The following ERBB4 variants were observed in gnomAD, a reference collection of about 807,000 sequenced individuals.
ERBB4 encodes the protein erb-b2 receptor tyrosine kinase 4.
ERBB4 carries 42 observed loss-of-function variants against 158.0 expected under a neutral mutation model. The observed-to-expected ratio is 0.27, with a 90% CI of 0.21 to 0.34. The LOEUF is 0.34. Among genes scored for constraint, ERBB4 ranks in the 10% least tolerant of loss-of-function variants. The pLI, the probability that ERBB4 is intolerant of heterozygous loss-of-function variation, is 1.00. For missense variants in ERBB4, 1,333 were observed against 1,624.1 expected, an observed-to-expected ratio of 0.82 and a Z score of 3.08; for synonymous variants, 583 against 558.7, an observed-to-expected ratio of 1.04 and a Z score of -0.61.
intron 2 of ERBB4, among the ~76,000 whole-genome samples, chr2:212,013,479 T>A (rs1322357764): frequency 6.6e-6 from 1 of 152,180 alleles, no homozygotes; most frequent in East Asian, 1.9e-4. Flanking sequence ...CACAGGAAAC[T>A]ATTAATGTGA....
At chr2:212,318,051 T>C (rs144091085) in intron 1 of ERBB4, among the ~76,000 whole-genome samples, 13 of 151,746 alleles carry the variant, frequency 8.6e-5, no homozygotes, top group African/African-American at 2.9e-4. Context: ...CAGATAGCCA[T>C]AGGCTAAGTG....
At chr2:211,598,774 C>T (rs2068711894) in intron 19 of ERBB4, among the ~76,000 whole-genome samples, 1 of 152,138 alleles carries the variant, frequency 6.6e-6, no homozygotes, top group Non-Finnish European at 1.5e-5. Context: ...GACATATATA[C>T]ATGTACACCA....
At chr2:211,633,482 A>AT (rs3068983) in intron 16 of ERBB4, among the ~76,000 whole-genome samples, 4,037 of 127,190 alleles carry the variant, frequency 0.032, 214 homozygotes, top group African/African-American at 0.11. Flanking sequence ...GTATTTTCTA[A>AT]TTTTTTTTTT....
At chr2:211,766,026 TC>T (rs2075542065) in intron 4 of ERBB4, among the ~76,000 whole-genome samples, 1 of 152,230 alleles carries the variant, frequency 6.6e-6, no homozygotes, top group Non-Finnish European at 1.5e-5. Context: ...TGATGACTTT[TC>T]CTTTGTGCAT....
At chr2:211,730,122 TAATC>T (rs991135732) in intron 5 of ERBB4, among the ~76,000 whole-genome samples, 1 of 151,984 alleles carries the variant, frequency 6.6e-6, no homozygotes, top group Non-Finnish European at 1.5e-5. Flanking sequence ...TTAAGTAGCT[TAATC>T]TTATCAGTAT....
intron 2 of ERBB4, among the ~76,000 whole-genome samples, chr2:211,971,548 T>C (rs1360767353): frequency 2.6e-5 from 4 of 152,160 alleles, no homozygotes; most frequent in Admixed American, 1.3e-4. Flanking sequence ...CCCTAACTCA[T>C]TCTATGAGAC....
At chr2:211,429,051 A>C (rs903060347) in intron 21 of ERBB4, among the ~76,000 whole-genome samples, 1 of 152,064 alleles carries the variant, frequency 6.6e-6, no homozygotes, top group African/African-American at 2.4e-5. Flanking sequence ...TAAACAATTA[A>C]AGGTAAAAAT....
At chr2:212,400,346 G>A (rs1449839933) in intron 1 of ERBB4, among the ~76,000 whole-genome samples, 1 of 152,114 alleles carries the variant, frequency 6.6e-6, no homozygotes, top group African/African-American at 2.4e-5. Flanking sequence ...AGCTGACCTG[G>A]GGAGACATTT....
intron 2 of ERBB4, among the ~76,000 whole-genome samples, chr2:212,074,835 T>G (rs538698819): frequency 4.6e-5 from 7 of 152,106 alleles, no homozygotes; most frequent in African/African-American, 1.7e-4. Context: ...AGTTTGGGAA[T>G]TCTTGTCCTA....
intron 3 of ERBB4, among the ~76,000 whole-genome samples, chr2:211,809,277 T>C (rs2076692659): frequency 6.6e-6 from 1 of 152,192 alleles, no homozygotes; most frequent in African/African-American, 2.4e-5. Context: ...CCAGCTCCTC[T>C]TTGTACCTCT....
intron 7 of ERBB4, among the ~76,000 whole-genome samples, chr2:211,717,547 C>T (rs564782555): frequency 2.0e-3 from 306 of 152,186 alleles, no homozygotes; most frequent in African/African-American, 6.9e-3. Flanking sequence ...CTACCCCTCT[C>T]GGCCTGGTGC....
intron 4 of ERBB4, among the ~76,000 whole-genome samples, chr2:211,773,894 T>A (rs1432995590): frequency 6.6e-6 from 1 of 151,766 alleles, no homozygotes; most frequent in Non-Finnish European, 1.5e-5. Context: ...CACAATAGGA[T>A]GTCCTGATCC....
At chr2:211,765,638 G>T (rs1457233197) in intron 4 of ERBB4, among the ~76,000 whole-genome samples, 1 of 152,048 alleles carries the variant, frequency 6.6e-6, no homozygotes, top group East Asian at 1.9e-4. Context: ...CAACTATAAG[G>T]ACCCTTAGAC....
At chr2:212,240,664 A>AAAAAAAAAAAAAAAC (rs1559823336) in intron 1 of ERBB4, among the ~76,000 whole-genome samples, 3 of 148,134 alleles carry the variant, frequency 2.0e-5, no homozygotes, top group African/African-American at 7.5e-5. Flanking sequence ...AAAAAAAAAA[A>AAAAAAAAAAAAAAAC]AAACAGAAAA....
At chr2:212,213,517 T>A (rs1403803119) in intron 1 of ERBB4, among the ~76,000 whole-genome samples, 2 of 151,888 alleles carry the variant, frequency 1.3e-5, no homozygotes, top group East Asian at 3.9e-4. Context: ...CTAAAAGATA[T>A]TGGAAGGAAT....
chr2:211,795,918 GTC>G lies in ERBB4; in HGVS notation c.422-7761_422-7760del, dbSNP rs1182995459. 2.6e-5 allele frequency among the ~76,000 whole-genome samples: 4 copies of G among 151,990 alleles called. No individual in the cohort carries two copies. In the East Asian group the frequency reaches 7.7e-4, roughly 29 times the overall value. ...TAATAGATATTGGTGACAACTAGCA[GTC>G]TCTGTTATAGTGACTCAAAAGAAAC... On this transcript the variant is annotated intron_variant, in intron 3 of 27. Transcript: ENST00000342788.
At chr2:211,441,996 A>T (rs1007338891) in intron 20 of ERBB4, among the ~76,000 whole-genome samples, 3 of 151,980 alleles carry the variant, frequency 2.0e-5, no homozygotes, top group African/African-American at 7.2e-5. Context: ...TCATTTCCTC[A>T]TTCTCCTTTA....
intron 4 of ERBB4, among the ~76,000 whole-genome samples, chr2:211,783,873 G>A (rs917284186): frequency 6.6e-6 from 1 of 152,132 alleles, no homozygotes. Context: ...TCAGGATGAT[G>A]CTGGCCTCAT....
In ERBB4 at chr2:211,776,024, A is replaced by C. The variant is rs2075866459; in HGVS notation, c.556+12001T>G. 2.6e-5 allele frequency among the ~76,000 whole-genome samples: 4 copies of C among 152,280 alleles called. No homozygotes were observed. The South Asian group carries it at 8.3e-4, about 32-fold the overall frequency. ...CTCTAGAGGGATGTAAAGCACCGCCAAGTCCTTTGAGTTTTAAGCTGTTGC... is the reference window on the plus strand; with the variant it reads ...CTCTAGAGGGATGTAAAGCACCGCCCAGTCCTTTGAGTTTTAAGCTGTTGC... On this transcript the variant is annotated intron_variant, in intron 4 of 27. Transcript: ENST00000342788.
Sources: gnomAD v4.1 joint callset for allele counts (sites outside exome capture counted in the v4.1 genomes callset) on GRCh38, gnomAD v4.1.1 for gene constraint, MANE v1.5 for transcripts, NCBI Gene and HGNC (gene_info 2026-07-23, HGNC 2026-07-21) for gene names.